MAP3K5: variants seen among roughly 807,000 people sequenced by gnomAD.
MAP3K5 encodes the protein ASK-1.
MAP3K5 carries 56 observed loss-of-function variants against 158.7 expected under a neutral mutation model. That is an observed-to-expected ratio of 0.35 (90% CI 0.28 to 0.44). MAP3K5 has a LOEUF of 0.44. MAP3K5 is among the 20% of genes least tolerant of loss of function. The probability of loss-of-function intolerance (pLI) is 1.00; values close to 1 mark genes in which losing one functional copy is unlikely to be tolerated. For missense variants in MAP3K5, 1,294 were observed against 1,674.8 expected (o/e 0.77, Z 3.97); for synonymous variants, 579 against 601.7 (o/e 0.96, Z 0.55).
intron 10 of MAP3K5, 21 bp from the exon 11 acceptor site, chr6:136,651,112 A>G: frequency 7.5e-7 from 1 of 1,330,498 alleles, no homozygotes. Context: ...TACGGCAAAG[A>G]AACTAATATC....
chr6:136,737,369 A>G (rs928718321), intron 1 of MAP3K5, among the ~76,000 whole-genome samples: 2 of 152,160 alleles, frequency 1.3e-5, no homozygotes, highest in Non-Finnish European at 2.9e-5. Context: ...AAACCTGCAC[A>G]TGTATCCTCT....
intron 21 of MAP3K5, among the ~76,000 whole-genome samples, chr6:136,599,961 C>T (rs112929658): frequency 6.6e-6 from 1 of 152,066 alleles, no homozygotes; most frequent in African/African-American, 2.4e-5. Context: ...TGAGTTTCCC[C>T]AGATTCTCAG....
intron 8 of MAP3K5, among the ~76,000 whole-genome samples, chr6:136,660,072 T>A (rs747013958): frequency 2.6e-5 from 4 of 152,222 alleles, no homozygotes; most frequent in Non-Finnish European, 5.9e-5. Context: ...ACAAACATTG[T>A]TATGTAACCT....
chr6:136,780,217 T>A (rs1784561641), intron 1 of MAP3K5, among the ~76,000 whole-genome samples: 1 of 152,252 alleles, frequency 6.6e-6, no homozygotes, highest in African/African-American at 2.4e-5. Context: ...AAATATTACC[T>A]TATGCAAAAC....
At chr6:136,647,304 T>TCACTTA (rs1480213358) in intron 11 of MAP3K5, among the ~76,000 whole-genome samples, 3 of 152,178 alleles carry the variant, frequency 2.0e-5, no homozygotes, top group Non-Finnish European at 2.9e-5. Flanking sequence ...ATTCATCCTC[T>TCACTTA]CACTTAATCT....
At chr6:136,746,609 G>A (rs990268468) in intron 1 of MAP3K5, among the ~76,000 whole-genome samples, 2 of 152,116 alleles carry the variant, frequency 1.3e-5, no homozygotes, top group African/African-American at 2.4e-5. Flanking sequence ...TAATACCCAC[G>A]AGAGAGGGAG....
intron 25 of MAP3K5, among the ~76,000 whole-genome samples, chr6:136,570,238 C>T (rs1774303256): frequency 1.3e-5 from 2 of 152,128 alleles, no homozygotes; most frequent in Non-Finnish European, 2.9e-5. Context: ...CTCTAGGTAC[C>T]TTTTTATATT....
chr6:136,663,606 CT>C (rs145415185), intron 8 of MAP3K5, among the ~76,000 whole-genome samples: 16,402 of 121,450 alleles, frequency 0.14, 1,742 homozygotes, highest in African/African-American at 0.4. Flanking sequence ...AAATTTCTCA[CT>C]TTTTTTTTTT....
chr6:136,605,991 C>T (rs1776082183), intron 18 of MAP3K5, among the ~76,000 whole-genome samples: 1 of 152,178 alleles, frequency 6.6e-6, no homozygotes, highest in South Asian at 2.1e-4. Context: ...CATGGACTAA[C>T]AGGTTTAAGA....
intron 23 of MAP3K5, among the ~76,000 whole-genome samples, chr6:136,591,712 C>T (rs906590429): frequency 7.9e-5 from 12 of 152,222 alleles, no homozygotes; most frequent in Non-Finnish European, 1.5e-5. Flanking sequence ...TTGCCCTTCA[C>T]CCTCCTTTTA....
chr6:136,784,449 G>A (rs1784755872), intron 1 of MAP3K5, among the ~76,000 whole-genome samples: 1 of 152,148 alleles, frequency 6.6e-6, no homozygotes, highest in South Asian at 2.1e-4. Context: ...GTGTGCGGTG[G>A]GTGGCAGCTG....
chr6:136,659,030 C>T (rs992174722), intron 9 of MAP3K5, among the ~76,000 whole-genome samples, 189 bp downstream of exon 9: 4 of 152,218 alleles, frequency 2.6e-5, no homozygotes, highest in Non-Finnish European at 5.9e-5. Flanking sequence ...AACCTGCTGA[C>T]ATCACCTATG....
At chr6:136,639,846 T>A (rs896269820) in intron 12 of MAP3K5, among the ~76,000 whole-genome samples, 5 of 152,230 alleles carry the variant, frequency 3.3e-5, no homozygotes, top group East Asian at 1.9e-4. Flanking sequence ...CCTCCTCATC[T>A]CTGCAGAGCA....
rs1785089284 is a variant in MAP3K5 at position 136,791,824 on chromosome 6, C to T, written c.334G>A (p.Ala112Thr). 1 of 1,613,848 alleles carries T rather than the reference C, an allele frequency of 6.2e-7. No individual in the cohort carries two copies. Among genetic ancestry groups the T allele is most frequent in the Non-Finnish European group, 8.5e-7 (1 of 1,180,014 alleles). Residue 112 changes from alanine to threonine, a missense_variant, in exon 1 of 30, where the codon GCC (alanine) becomes ACC (threonine). Transcript: ENST00000359015. ...CACGCCTCCCGCAAGCTCTGCAGGG[C>T]CTCGCTCTCGGCCACCACCAGTTGC... ...QGQLVVAESEALQSLREACET... is the reference protein window; with the variant it reads ...QGQLVVAESETLQSLREACET...
intron 1 of MAP3K5, among the ~76,000 whole-genome samples, chr6:136,790,348 C>T (rs1216746686): frequency 6.6e-6 from 1 of 152,118 alleles, no homozygotes; most frequent in Non-Finnish European, 1.5e-5. Flanking sequence ...GGGTATTTTC[C>T]TCTCATATCT....
At chr6:136,647,896 G>C (rs1778341251) in intron 11 of MAP3K5, 1 of 152,214 alleles carries the variant, frequency 6.6e-6, no homozygotes, top group African/African-American at 2.4e-5. Context: ...TCCTCCTCAG[G>C]AACCAGCACA....
chr6:136,689,387 G>C (rs931351545), intron 7 of MAP3K5, among the ~76,000 whole-genome samples: 3 of 152,162 alleles, frequency 2.0e-5, no homozygotes, highest in Non-Finnish European at 4.4e-5. Flanking sequence ...TACAAATTTA[G>C]AAGTCCAGAC....
intron 10 of MAP3K5, among the ~76,000 whole-genome samples, chr6:136,655,747 T>G (rs1778714124): frequency 6.6e-6 from 1 of 151,146 alleles, no homozygotes; most frequent in Non-Finnish European, 1.5e-5. Flanking sequence ...TATTATACAT[T>G]TAAATCTATA....
At chr6:136,677,944 C>T (rs992141221) in intron 7 of MAP3K5, among the ~76,000 whole-genome samples, 1 of 152,132 alleles carries the variant, frequency 6.6e-6, no homozygotes, top group Non-Finnish European at 1.5e-5. Context: ...CTAATTCTGA[C>T]AACTCTTTAA....
Sources: allele counts gnomAD v4.1 joint callset (sites outside exome capture counted in the v4.1 genomes callset), GRCh38; gene constraint gnomAD v4.1.1; transcripts MANE v1.5; gene names NCBI Gene and HGNC (gene_info 2026-07-23, HGNC 2026-07-21).